Variants in CHODL observed in about 807,000 individuals in gnomAD.
The protein encoded by CHODL is transmembrane protein MT75.
Under a neutral mutation model 34.5 loss-of-function variants are expected in CHODL, and 29 were observed. The ratio of observed to expected loss-of-function variants is 0.84; its 90% CI spans 0.63 to 1.15. CHODL has a LOEUF of 1.15. Among genes scored for constraint, CHODL ranks in the 50% most tolerant of loss-of-function variants. The probability of loss-of-function intolerance (pLI) is 0.00; values close to 1 mark genes in which losing one functional copy is unlikely to be tolerated. For missense variants in CHODL, 332 were observed against 332.5 expected (o/e 1.00, Z 0.01); for synonymous variants, 125 against 116.1 (o/e 1.08, Z -0.49).
intron 2 of CHODL, among the ~76,000 whole-genome samples, chr21:18,096,918 G>C (rs1176436295): frequency 1.3e-5 from 2 of 152,062 alleles, no homozygotes; most frequent in South Asian, 2.1e-4. Flanking sequence ...CGGAGGCCCA[G>C]CTATAAAATT....
intron 1 of CHODL, among the ~76,000 whole-genome samples, chr21:17,977,931 A>AAAAAAAG (rs1186256012): frequency 6.6e-6 from 1 of 150,578 alleles, no homozygotes; most frequent in African/African-American, 2.4e-5. Flanking sequence ...AAAAAAAAAA[A>AAAAAAAG]AAAGAAAAAG....
chr21:18,044,353 A>G lies in CHODL; in HGVS notation c.-45+16382A>G, dbSNP rs73325246. Among the ~76,000 whole-genome samples the G allele has an allele frequency of 4.9e-3, 741 of 152,162 alleles. 9 individuals carry two copies. Among genetic ancestry groups the G allele is most frequent in the African/African-American group, 0.017 (703 of 41,562 alleles). On this transcript the variant is annotated intron_variant, in intron 2 of 6. Coordinates refer to the CHODL transcript ENST00000400127. Reference sequence around the variant, plus strand: ...GAAGTTCATGCTAATAATTTAAAATATTAATTTTTCTTCAGTTAGGAAGAG... The same window carrying G: ...GAAGTTCATGCTAATAATTTAAAATGTTAATTTTTCTTCAGTTAGGAAGAG...
At chr21:18,003,536 T>G (rs1485218879) in intron 1 of CHODL, among the ~76,000 whole-genome samples, 1 of 152,128 alleles carries the variant, frequency 6.6e-6, no homozygotes, top group Non-Finnish European at 1.5e-5. Context: ...TGCGTGTTCA[T>G]TTAACAGTAT....
At chr21:18,162,475 G>A (rs540761614) in intron 2 of CHODL, among the ~76,000 whole-genome samples, 1 of 151,898 alleles carries the variant, frequency 6.6e-6, no homozygotes, top group African/African-American at 2.4e-5. Flanking sequence ...GTAAGTGTGT[G>A]TGTCTGTGTC....
At chr21:18,064,078 C>G (rs572965619) in intron 2 of CHODL, among the ~76,000 whole-genome samples, 1 of 152,190 alleles carries the variant, frequency 6.6e-6, no homozygotes, top group Admixed American at 6.6e-5. Context: ...CGCCTCCTCA[C>G]TTGGGTCAGA....
At chr21:18,201,949 C>T (rs1031304259) in intron 2 of CHODL, among the ~76,000 whole-genome samples, 19 of 151,900 alleles carry the variant, frequency 1.3e-4, no homozygotes, top group Admixed American at 1.2e-3. Flanking sequence ...GGACTACAGG[C>T]GACCGCCACC....
intron 2 of CHODL, among the ~76,000 whole-genome samples, chr21:18,035,826 A>G (rs1057230055): frequency 1.3e-5 from 2 of 151,940 alleles, no homozygotes; most frequent in African/African-American, 2.4e-5. Context: ...AAAATGCTCA[A>G]TCTTTTCTTT....
At chr21:18,129,405 A>G (rs1207929115) in intron 2 of CHODL, among the ~76,000 whole-genome samples, 1 of 152,198 alleles carries the variant, frequency 6.6e-6, no homozygotes, top group South Asian at 2.1e-4. Flanking sequence ...GGCAACATCT[A>G]TTCAGAATGC....
intron 1 of CHODL, among the ~76,000 whole-genome samples, chr21:17,952,511 A>G (rs1465863698): frequency 1.3e-5 from 2 of 152,106 alleles, no homozygotes; most frequent in African/African-American, 4.8e-5. Flanking sequence ...TGAAGAAAAT[A>G]GAGTTTAGGA....
chr21:18,089,526 A>T (rs139378340), intron 2 of CHODL, among the ~76,000 whole-genome samples: 75 of 152,342 alleles, frequency 4.9e-4, no homozygotes, highest in African/African-American at 1.7e-3. Flanking sequence ...AGCATGTGAA[A>T]TATGAAAACA....
chr21:18,224,619 T>C (rs2073914859), intron 2 of CHODL, among the ~76,000 whole-genome samples: 1 of 152,134 alleles, frequency 6.6e-6, no homozygotes, highest in East Asian at 1.9e-4. Context: ...TGAGCACAAA[T>C]TAGTATAGAG....
At chr21:18,260,311 T>G in intron 4 of CHODL, 25 bp downstream of exon 4, 1 of 1,422,888 alleles carries the variant, frequency 7.0e-7, no homozygotes, top group East Asian at 2.4e-5. Flanking sequence ...TGTCTTTAAC[T>G]TCATCAAGAA....
At chr21:18,108,510 C>T (rs2146556766) in intron 2 of CHODL, among the ~76,000 whole-genome samples, 1 of 152,184 alleles carries the variant, frequency 6.6e-6, no homozygotes, top group East Asian at 1.9e-4. Flanking sequence ...AATGATCAGC[C>T]CCAGATGAGG....
At chr21:18,030,357 G>A (rs950831631) in intron 2 of CHODL, among the ~76,000 whole-genome samples, 2 of 152,160 alleles carry the variant, frequency 1.3e-5, no homozygotes, top group African/African-American at 2.4e-5. Context: ...ACTCATGTGA[G>A]TGAGCTTGGA....
chr21:18,185,084 T>A (rs1355392480), intron 2 of CHODL, among the ~76,000 whole-genome samples: 2 of 152,172 alleles, frequency 1.3e-5, no homozygotes, highest in African/African-American at 4.8e-5. Flanking sequence ...GCAGGTTTGT[T>A]ACATAGGTAT....
intron 2 of CHODL, among the ~76,000 whole-genome samples, chr21:18,148,316 A>T (rs1342676975): frequency 6.6e-6 from 1 of 152,216 alleles, no homozygotes; most frequent in Non-Finnish European, 1.5e-5. Flanking sequence ...TAAATATTTT[A>T]AAATGCTATC....
intron 2 of CHODL, among the ~76,000 whole-genome samples, chr21:18,137,993 A>G (rs1450728277): frequency 6.6e-6 from 1 of 152,208 alleles, no homozygotes; most frequent in Non-Finnish European, 1.5e-5. Flanking sequence ...GGGACCAAAA[A>G]AAACCTCCAA....
intron 2 of CHODL, among the ~76,000 whole-genome samples, chr21:18,223,998 A>G (rs2073908282): frequency 6.6e-6 from 1 of 152,208 alleles, no homozygotes; most frequent in South Asian, 2.1e-4. Flanking sequence ...AGCTTCAATC[A>G]GGGAGACTCT....
At chr21:18,020,112 G>A (rs978970551) in intron 1 of CHODL, among the ~76,000 whole-genome samples, 26 of 152,070 alleles carry the variant, frequency 1.7e-4, no homozygotes, top group Admixed American at 1.6e-3. Context: ...ATGATATGAA[G>A]CAAATGGACT....
Sources: gnomAD v4.1 joint callset for allele counts (sites outside exome capture counted in the v4.1 genomes callset) on GRCh38, gnomAD v4.1.1 for gene constraint, MANE v1.5 for transcripts, NCBI Gene and HGNC (gene_info 2026-07-23, HGNC 2026-07-21) for gene names.